Variants in DNAH14 observed in about 807,000 individuals in gnomAD.
DNAH14 encodes the protein dynein axonemal heavy chain 14.
Under a neutral mutation model 520.9 loss-of-function variants are expected in DNAH14, and 478 were observed. The observed-to-expected ratio is 0.92, with a 90% CI of 0.85 to 0.99. DNAH14 has a LOEUF of 0.99. Among genes scored for constraint, DNAH14 ranks in the 50% least tolerant of loss-of-function variants. The pLI is 0.00. For synonymous variants in DNAH14, 1,581 were observed against 1,757.2 expected (o/e 0.90, Z 2.51); for missense variants, 4,831 against 5,234.5 (o/e 0.92, Z 2.38).
intron 54 of DNAH14, among the ~76,000 whole-genome samples, chr1:225,279,363 A>G (rs2093573077): frequency 6.6e-6 from 1 of 152,200 alleles, no homozygotes; most frequent in African/African-American, 2.4e-5. Flanking sequence ...TCATGGGTCA[A>G]GGTGACACTA....
intron 71 of DNAH14, among the ~76,000 whole-genome samples, 155 bp downstream of exon 71, chr1:225,346,809 A>G (rs544453970): frequency 1.2e-4 from 18 of 152,296 alleles, no homozygotes; most frequent in Admixed American, 7.8e-4. Flanking sequence ...TTTTTAATGA[A>G]TGAATGAATA....
intron 31 of DNAH14, among the ~76,000 whole-genome samples, chr1:225,149,105 A>C (rs1046797831): frequency 6.6e-6 from 1 of 152,170 alleles, no homozygotes; most frequent in Admixed American, 6.5e-5. Context: ...TTAAGTCTTT[A>C]ATCCATCTTG....
At chr1:225,143,914 C>G (rs1319961094) in intron 28 of DNAH14, among the ~76,000 whole-genome samples, 3 of 152,158 alleles carry the variant, frequency 2.0e-5, no homozygotes, top group Non-Finnish European at 4.4e-5. Flanking sequence ...TTATGGTTAG[C>G]TACACAATTC....
chr1:225,257,139 G>C (rs1056490101), intron 44 of DNAH14, among the ~76,000 whole-genome samples: 1 of 152,190 alleles, frequency 6.6e-6, no homozygotes, highest in Non-Finnish European at 1.5e-5. Context: ...GGACCTAAAA[G>C]TTAGGTGAAT....
intron 17 of DNAH14, among the ~76,000 whole-genome samples, chr1:225,061,256 T>C (rs1402615972): frequency 1.3e-5 from 2 of 152,166 alleles, no homozygotes; most frequent in African/African-American, 4.8e-5. Context: ...TGCAGTTTGG[T>C]CTCAGACTGC....
chr1:224,942,885 G>GTGC lies in DNAH14; in HGVS notation c.-33-9779_-33-9777dup, dbSNP rs201699858. Among the ~76,000 whole-genome samples, 88 of 152,252 alleles carry GTGC rather than the reference G, an allele frequency of 5.8e-4. 1 individual carries two copies. In the East Asian group the frequency reaches 0.014, roughly 24 times the overall value. ...GATCATGGTGGATAAGCTTTTTGATGTGCTGCTGGATTTGGTTTGCCAGTA... is the reference window on the plus strand; with the variant it reads ...GATCATGGTGGATAAGCTTTTTGATGTGCTGCTGCTGGATTTGGTTTGCCAGTA... On this transcript the variant is annotated intron_variant, in intron 1 of 85. Coordinates refer to ENST00000682510, the MANE Select transcript of DNAH14 (RefSeq NM_001367479.1).
At chr1:225,271,731 A>G (rs1015066164) in intron 50 of DNAH14, among the ~76,000 whole-genome samples, 175 bp from the exon 51 acceptor site, 1 of 152,276 alleles carries the variant, frequency 6.6e-6, no homozygotes, top group African/African-American at 2.4e-5. Flanking sequence ...TGCAACCCCT[A>G]GAGTGTTTTG....
intron 55 of DNAH14, among the ~76,000 whole-genome samples, chr1:225,294,983 C>T (rs2093976208): frequency 1.3e-5 from 2 of 152,054 alleles, no homozygotes; most frequent in Non-Finnish European, 2.9e-5. Context: ...TTCTTCTTGG[C>T]TCAATCTTGA....
In DNAH14 at chr1:225,050,204, T is replaced by C; in HGVS notation, c.1913-6T>C. ...GAAGTACTGACTTTTAAATTATATA[T>C]TTTAGCCACAATTACTCCTCTTTGC... On this transcript the variant is annotated splice_region_variant and splice_polypyrimidine_tract_variant and intron_variant, in intron 15 of 85. Coordinates refer to ENST00000682510, the MANE Select transcript of DNAH14 (RefSeq NM_001367479.1). The C allele has an allele frequency of 6.5e-7, 1 of 1,527,212 alleles. No individual in the cohort carries two copies. Among genetic ancestry groups the C allele is most frequent in the African/African-American group, 1.4e-5 (1 of 71,396 alleles). 94.6% of individuals were successfully genotyped at this position (1,527,212 alleles called of 1,614,324 possible). A position where few individuals can be genotyped will look rare whatever the true frequency, so the allele number is the denominator to read the frequency against.
chr1:225,263,066 TC>T (rs1289034184), intron 46 of DNAH14, among the ~76,000 whole-genome samples: 1 of 151,786 alleles, frequency 6.6e-6, no homozygotes, highest in Non-Finnish European at 1.5e-5. Context: ...TGTTTTAAGT[TC>T]CCAAGCCTGT....
chr1:224,971,959 T>G (rs970897612), intron 7 of DNAH14, among the ~76,000 whole-genome samples: 2 of 152,236 alleles, frequency 1.3e-5, no homozygotes, highest in Non-Finnish European at 2.9e-5. Context: ...GATTATCAAT[T>G]TAAGATATTA....
intron 27 of DNAH14, among the ~76,000 whole-genome samples, chr1:225,126,566 T>C (rs2077735624): frequency 6.6e-6 from 1 of 152,200 alleles, no homozygotes; most frequent in Non-Finnish European, 1.5e-5. Context: ...CCCTTTATCA[T>C]TTTTTATTGC....
intron 43 of DNAH14, among the ~76,000 whole-genome samples, chr1:225,244,994 A>G (rs1250543232): frequency 6.6e-6 from 1 of 152,216 alleles, no homozygotes; most frequent in African/African-American, 2.4e-5. Context: ...TTAGTGCTAT[A>G]AATTTCCCTC....
At chr1:225,201,760 TG>T (rs1390498837) in intron 38 of DNAH14, among the ~76,000 whole-genome samples, 1 of 152,026 alleles carries the variant, frequency 6.6e-6, no homozygotes, top group Non-Finnish European at 1.5e-5. Flanking sequence ...GCTGCTTCAG[TG>T]GAAGTGGCAA....
In DNAH14 at chr1:225,127,226, A is replaced by G. The variant is rs529267549; in HGVS notation, c.4254+3612A>G. 7.0e-3 allele frequency among the ~76,000 whole-genome samples: 1,064 copies of G among 151,834 alleles called. 4 individuals carry two copies. The highest frequency in any genetic ancestry group is 0.014 in the Admixed American group (208 of 15,238). On this transcript the variant is annotated intron_variant, in intron 27 of 85. Coordinates refer to ENST00000682510, the MANE Select transcript of DNAH14 (RefSeq NM_001367479.1). ...AGTTCTGTAGATGTCTATTAGGTCC[A>G]CTTGGTGCAGAGCTGAGTTCAATTC... is the stretch of plus-strand genomic sequence containing the variant.
chr1:225,265,086 T>G, intron 47 of DNAH14, 96 bp from the exon 48 acceptor site: 1 of 834,330 alleles, frequency 1.2e-6, no homozygotes, highest in Non-Finnish European at 1.8e-6. Context: ...ATAGTAAAAT[T>G]ATGTAATTTT....
intron 69 of DNAH14, among the ~76,000 whole-genome samples, chr1:225,342,173 G>A (rs1388534589): frequency 6.6e-6 from 1 of 152,048 alleles, no homozygotes. Context: ...CAAATTAAAA[G>A]CTAGTTTTTT....
chr1:225,167,338 C>T (rs372959753), intron 35 of DNAH14, among the ~76,000 whole-genome samples: 1 of 152,196 alleles, frequency 6.6e-6, no homozygotes, highest in East Asian at 1.9e-4. Context: ...GTTACCAATT[C>T]TATCTACAGT....
At chr1:225,126,077 G>C (rs144491918) in intron 27 of DNAH14, among the ~76,000 whole-genome samples, 7 of 152,252 alleles carry the variant, frequency 4.6e-5, no homozygotes, top group African/African-American at 1.7e-4. Context: ...GGCATCATTT[G>C]TTGTCCTCCC....
Sources: allele counts gnomAD v4.1 joint callset (sites outside exome capture counted in the v4.1 genomes callset), GRCh38; gene constraint gnomAD v4.1.1; transcripts MANE v1.5; gene names NCBI Gene and HGNC (gene_info 2026-07-23, HGNC 2026-07-21).